The following MPHOSPH9 variants were observed in gnomAD, a reference collection of about 807,000 sequenced individuals.
The protein encoded by MPHOSPH9 is M-phase phosphoprotein 9.
Under a neutral mutation model 145.5 loss-of-function variants are expected in MPHOSPH9, and 88 were observed. The ratio of observed to expected loss-of-function variants is 0.60; its 90% CI spans 0.51 to 0.72. The LOEUF (loss-of-function observed/expected upper bound fraction) is 0.72. MPHOSPH9 is among the 30% of genes least tolerant of loss of function. MPHOSPH9 has a pLI of 0.00. For synonymous variants in MPHOSPH9, 435 were observed against 486.2 expected (o/e 0.89, Z 1.39); for missense variants, 1,238 against 1,386.6 (o/e 0.89, Z 1.70).
chr12:123,188,082 C>T (rs1171809925), intron 13 of MPHOSPH9, among the ~76,000 whole-genome samples: 5 of 152,034 alleles, frequency 3.3e-5, no homozygotes, highest in African/African-American at 7.2e-5. Context: ...ACCAAGATTG[C>T]GCCATTGCAC....
intron 5 of MPHOSPH9, among the ~76,000 whole-genome samples, chr12:123,219,220 T>C (rs1056351789): frequency 5.9e-5 from 9 of 152,002 alleles, no homozygotes; most frequent in Non-Finnish European, 4.4e-5. Flanking sequence ...TTTTTTCTAC[T>C]AGCGGTAAGA....
upstream of MPHOSPH9, among the ~76,000 whole-genome samples, chr12:123,235,453 C>T (rs1398088371): frequency 6.6e-6 from 1 of 152,016 alleles, no homozygotes; most frequent in East Asian, 1.9e-4. Context: ...CAAGCTCCGC[C>T]CCCCAGGTTC....
At chr12:123,184,498 A>ATTTTTTTTT (rs35180953) in intron 13 of MPHOSPH9, among the ~76,000 whole-genome samples, 1 of 145,500 alleles carries the variant, frequency 6.9e-6, no homozygotes. Context: ...CTTTAATTTA[A>ATTTTTTTTT]TTTTTTTTTT....
At position 123,214,776 on chromosome 12, in the gene MPHOSPH9, G is replaced by A. The variant is rs146763624; in HGVS notation, c.1055C>T (p.Thr352Ile). 4.7e-4 allele frequency: 759 copies of A among 1,613,370 alleles called. No homozygotes were observed. The highest frequency in any genetic ancestry group is 5.0e-4 in the Non-Finnish European group (591 of 1,179,508). Residue 352 changes from threonine to isoleucine, a missense_variant, in exon 7 of 24, where the codon ACT becomes ATT. Physicochemically the swap from Thr to Ile is moderately conservative, Grantham distance 89. Transcript: ENST00000606320. ...RAFYLSKPDE[T>I]PNAWMSDSGT... ...TGAATCAGACATCCAAGCATTTGGAGTTTCATCTGGTTTACTGAGGTAAAA... is the reference window on the plus strand; with the variant it reads ...TGAATCAGACATCCAAGCATTTGGAATTTCATCTGGTTTACTGAGGTAAAA...
intron 7 of MPHOSPH9, among the ~76,000 whole-genome samples, chr12:123,211,684 CTTTT>C (rs147321517): frequency 7.1e-4 from 48 of 67,748 alleles, no homozygotes; most frequent in African/African-American, 2.0e-3. Context: ...TAGACAATTT[CTTTT>C]TTTTTTTTTT....
intron 3 of MPHOSPH9, 105 bp downstream of exon 3, chr12:123,227,358 G>T: frequency 1.2e-6 from 1 of 830,420 alleles, no homozygotes; most frequent in South Asian, 3.2e-5. Context: ...TAACTTAAAA[G>T]TGTCATGCTC....
chr12:123,198,405 C>T, intron 11 of MPHOSPH9, 71 bp from the exon 12 acceptor site: 2 of 1,217,418 alleles, frequency 1.6e-6, no homozygotes, highest in Non-Finnish European at 2.3e-6. Flanking sequence ...ATAAATCTAA[C>T]CAATTCTCTA....
chr12:123,174,481 TC>T (rs1319462395), intron 16 of MPHOSPH9, among the ~76,000 whole-genome samples: 14 of 151,962 alleles, frequency 9.2e-5, no homozygotes, highest in Non-Finnish European at 4.4e-5. Context: ...CACGCCATTC[TC>T]CTGCCTCAGT....
At chr12:123,190,366 A>G (rs747044385) in intron 13 of MPHOSPH9, among the ~76,000 whole-genome samples, 4 of 152,144 alleles carry the variant, frequency 2.6e-5, no homozygotes, top group Non-Finnish European at 5.9e-5. Flanking sequence ...GTTAGCCAGG[A>G]TGGTCTTGAT....
chr12:123,220,148 C>T (rs1271645138), intron 5 of MPHOSPH9, among the ~76,000 whole-genome samples: 5 of 151,278 alleles, frequency 3.3e-5, no homozygotes, highest in Admixed American at 2.0e-4. Context: ...GAGCTGCGAT[C>T]GCACCACTGC....
intron 19 of MPHOSPH9, 80 bp from the exon 20 acceptor site, chr12:123,163,214 T>C: frequency 7.2e-7 from 1 of 1,396,068 alleles, no homozygotes; most frequent in Non-Finnish European, 9.6e-7. Flanking sequence ...GTATTTTTTT[T>C]CTAATTTTGA....
chr12:123,194,913 C>T (rs960050384), intron 12 of MPHOSPH9, among the ~76,000 whole-genome samples: 3 of 151,654 alleles, frequency 2.0e-5, no homozygotes, highest in African/African-American at 4.8e-5. Flanking sequence ...TGAGCTACCA[C>T]GCCCAGCCCA....
intron 13 of MPHOSPH9, among the ~76,000 whole-genome samples, chr12:123,191,539 C>T (rs1018950173): frequency 6.6e-6 from 1 of 152,072 alleles, no homozygotes; most frequent in Non-Finnish European, 1.5e-5. Context: ...GTGATCTGCC[C>T]GCCTCGGCTG....
intron 2 of MPHOSPH9, among the ~76,000 whole-genome samples, chr12:123,229,421 C>T (rs1333625663): frequency 6.6e-6 from 1 of 152,156 alleles, no homozygotes; most frequent in African/African-American, 2.4e-5. Flanking sequence ...CACAGGATAG[C>T]TTAAAAATAA....
intron 1 of MPHOSPH9, among the ~76,000 whole-genome samples, chr12:123,231,680 G>A (rs1033889413): frequency 6.6e-6 from 1 of 151,720 alleles, no homozygotes; most frequent in African/African-American, 2.4e-5. Flanking sequence ...TTGGGCAACA[G>A]ACCAAGACCC....
In MPHOSPH9 at chr12:123,193,108, T is replaced by TACACACACACAC. The variant is rs4044136; in HGVS notation, c.2241+1266_2241+1277dup. Among the ~76,000 whole-genome samples the TACACACACACAC allele has an allele frequency of 5.2e-4, 49 of 94,892 alleles. 1 individual carries two copies. Among genetic ancestry groups the TACACACACACAC allele is most frequent in the African/African-American group, 2.0e-3 (47 of 23,822 alleles). 62.3% of individuals were successfully genotyped at this position (94,892 alleles called of 152,430 possible). On this transcript the variant is annotated intron_variant, in intron 13 of 23. Coordinates refer to ENST00000606320, the MANE Select transcript of MPHOSPH9 (RefSeq NM_022782.4). ...AAAAAAAAAAAAAAATATATATATA[T>TACACACACACAC]ACACACACACACACACACACACACA...
intron 16 of MPHOSPH9, among the ~76,000 whole-genome samples, chr12:123,174,273 C>T (rs1483225274): frequency 2.6e-5 from 4 of 152,132 alleles, no homozygotes; most frequent in African/African-American, 9.7e-5. Context: ...CTCTATCCAA[C>T]ACCAGTGTCA....
At position 123,162,236 on chromosome 12, in the gene MPHOSPH9, T is replaced by C; in HGVS notation, c.3030-18A>G. ...TATCAAATCTATTGAATGAAGCAAG[T>C]TACTTGTGAGAAAAAAAATGTTAAC... On this transcript the variant is annotated intron_variant, in intron 20 of 23. Coordinates refer to ENST00000606320, the MANE Select transcript of MPHOSPH9 (RefSeq NM_022782.4). 1 of 1,371,896 alleles carries C rather than the reference T, an allele frequency of 7.3e-7. No homozygotes were observed. Among genetic ancestry groups the C allele is most frequent in the Non-Finnish European group, 9.8e-7 (1 of 1,020,546 alleles). The allele number at this position is 1,371,896 out of a possible 1,614,324, so 85.0% of individuals were successfully genotyped here.
chr12:123,212,936 T>C (rs921287816), intron 7 of MPHOSPH9, among the ~76,000 whole-genome samples: 5 of 150,310 alleles, frequency 3.3e-5, no homozygotes, highest in Admixed American at 6.7e-5. Context: ...CTCGGCTCAC[T>C]GCAAGCTCTG....
Sources: allele counts gnomAD v4.1 joint callset (sites outside exome capture counted in the v4.1 genomes callset), GRCh38; gene constraint gnomAD v4.1.1; transcripts MANE v1.5; gene names NCBI Gene and HGNC (gene_info 2026-07-23, HGNC 2026-07-21).